The following ATP2B1 variants were observed in gnomAD, a reference collection of about 807,000 sequenced individuals.
ATP2B1 encodes plasma membrane calcium-transporting ATPase 1.
In ATP2B1, 14 loss-of-function variants were observed where a neutral mutation model predicts 124.2. The ratio of observed to expected loss-of-function variants is 0.11; its 90% CI spans 0.07 to 0.18. The LOEUF (loss-of-function observed/expected upper bound fraction) is 0.18, where lower values mean the gene tolerates loss of function less well. ATP2B1 is among the 10% of genes least tolerant of loss of function. The pLI is 1.00. For missense variants in ATP2B1, 763 were observed against 1,466.1 expected (o/e 0.52, Z 7.83); for synonymous variants, 449 against 492.4 (o/e 0.91, Z 1.17).
At chr12:89,687,059 G>A (rs183073214) in intron 1 of ATP2B1, among the ~76,000 whole-genome samples, 1 of 151,960 alleles carries the variant, frequency 6.6e-6, no homozygotes, top group African/African-American at 2.4e-5. Flanking sequence ...TTTTCTTGTC[G>A]TTATTCCCTG....
At chr12:89,660,552 G>T (rs963066455) in intron 1 of ATP2B1, among the ~76,000 whole-genome samples, 1 of 152,196 alleles carries the variant, frequency 6.6e-6, no homozygotes, top group Non-Finnish European at 1.5e-5. Flanking sequence ...AGGCAGTAGG[G>T]CCAGGAACGT....
intron 1 of ATP2B1, among the ~76,000 whole-genome samples, chr12:89,702,325 T>A (rs1290368694): frequency 6.6e-6 from 1 of 151,982 alleles, no homozygotes; most frequent in Non-Finnish European, 1.5e-5. Context: ...TGTATTTTGA[T>A]AAAGAGAAAA....
chr12:89,633,406 C>G (rs1178628996), intron 5 of ATP2B1, among the ~76,000 whole-genome samples: 1 of 151,588 alleles, frequency 6.6e-6, no homozygotes, highest in Non-Finnish European at 1.5e-5. Flanking sequence ...CACCCATTAA[C>G]TCGTCATTTA....
chr12:89,704,316 C>G (rs907747339), intron 1 of ATP2B1, among the ~76,000 whole-genome samples: 1 of 151,976 alleles, frequency 6.6e-6, no homozygotes, highest in African/African-American at 2.4e-5. Context: ...ATTTCAGATA[C>G]GTTCACATTC....
chr12:89,591,291 C>A lies in ATP2B1; in HGVS notation c.3356G>T (p.Arg1119Leu), dbSNP rs1387781828. The A allele has an allele frequency of 6.2e-7, 1 of 1,604,640 alleles. No individual in the cohort carries two copies. Among genetic ancestry groups the A allele is most frequent in the Non-Finnish European group, 8.5e-7 (1 of 1,174,694 alleles). Residue 1119 changes from arginine to leucine, a missense_variant, in exon 21 of 21, where the codon CGA (arginine) becomes CTA (leucine). Around this residue, in one of 7 missense-constraint regions of ATP2B1, gnomAD observed 12 missense variants for 32.0 expected, o/e 0.38. Transcript: ENST00000428670. ...RGLNRIQTQI[R>L]VVNAFRSSLY... Reference sequence around the variant, plus strand: ...AGAACTACGAAATGCATTCACCACTCGAATCTGTAAATATCAGAAAATACA... The same window carrying A: ...AGAACTACGAAATGCATTCACCACTAGAATCTGTAAATATCAGAAAATACA...
Position 89,655,921 on chromosome 12 carries a change from CA to C in ATP2B1, c.-36del. 6.6e-7 allele frequency: 1 copy of C among 1,514,532 alleles called. No homozygotes were observed. Among genetic ancestry groups the C allele is most frequent in the South Asian group, 1.3e-5 (1 of 76,230 alleles). 93.8% of individuals were successfully genotyped at this position (1,514,532 alleles called of 1,614,324 possible). ...AATATATCAGAAGGAAAATGTTTCC[CA>C]AAAGAATTTAATTTTCACTTGATGT... On this transcript the variant is annotated 5_prime_UTR_variant, in exon 2 of 21. Coordinates refer to ENST00000428670, the MANE Select transcript of ATP2B1 (RefSeq NM_001366521.1).
Position 89,588,339 on chromosome 12 carries a change from G to C in ATP2B1, c.*2645C>G, listed in dbSNP as rs939693274. The C allele has an allele frequency of 6.6e-6, 1 of 152,554 alleles. No homozygotes were observed. The highest frequency in any genetic ancestry group is 6.6e-5 in the Admixed American group (1 of 15,266). The allele number at this position is 152,554 out of a possible 1,614,324, so 9.5% of individuals were successfully genotyped here. On this transcript the variant is annotated 3_prime_UTR_variant, in exon 21 of 21. Transcript: ENST00000428670. ...TCACATATTTGTAAGATGACAAGGAGTAACTCATCTTCAAAGTGCAAGTAA... is the reference window on the plus strand; with the variant it reads ...TCACATATTTGTAAGATGACAAGGACTAACTCATCTTCAAAGTGCAAGTAA...
chr12:89,701,770 C>A (rs951501038), intron 1 of ATP2B1, among the ~76,000 whole-genome samples: 2 of 152,134 alleles, frequency 1.3e-5, no homozygotes, highest in Non-Finnish European at 2.9e-5. Flanking sequence ...CAGCCTCGAA[C>A]TCCTGGCCTC....
chr12:89,626,762 C>T (rs1479244839), intron 7 of ATP2B1, 147 bp from the exon 8 acceptor site: 8 of 881,888 alleles, frequency 9.1e-6, no homozygotes, highest in Non-Finnish European at 1.6e-6. Flanking sequence ...TGTGTCTACA[C>T]AGAGAAAATA....
intron 5 of ATP2B1, among the ~76,000 whole-genome samples, chr12:89,634,266 A>G (rs1882343781): frequency 6.6e-6 from 1 of 152,200 alleles, no homozygotes; most frequent in East Asian, 1.9e-4. Context: ...TATAATACTA[A>G]ATAGTTTATA....
At chr12:89,675,123 C>T (rs186975323) in intron 1 of ATP2B1, among the ~76,000 whole-genome samples, 49 of 152,190 alleles carry the variant, frequency 3.2e-4, no homozygotes, top group African/African-American at 2.4e-5. Flanking sequence ...TAGGGATCAA[C>T]AATTTTCATT....
In ATP2B1 at chr12:89,655,725, T is replaced by A. The variant is rs373078343; in HGVS notation, c.162A>T (p.Gly54=). 2.5e-6 allele frequency: 4 copies of A among 1,614,028 alleles called. No individual in the cohort carries two copies. In the African/African-American group the frequency reaches 5.3e-5, roughly 22 times the overall value. The part of the protein sequence containing the change: ...DALRKIQESY[G]DVYGICTKLK... ...ATTTGGTGCAAATTCCATAGACATC[T>A]CCATAGCTTTCCTGTATTTTTCGTA... Residue 54 remains glycine, a synonymous_variant, in exon 2 of 21, where the codon GGA becomes GGT. Transcript: ENST00000428670.
intron 15 of ATP2B1, among the ~76,000 whole-genome samples, chr12:89,607,077 G>A (rs879568550): frequency 6.6e-6 from 1 of 152,042 alleles, no homozygotes; most frequent in Admixed American, 6.6e-5. Flanking sequence ...ATCACAAAAC[G>A]TTAAACTGCT....
intron 3 of ATP2B1, chr12:89,641,908 C>T (rs1883581688): frequency 4.5e-6 from 2 of 444,164 alleles, no homozygotes; most frequent in African/African-American, 2.0e-5. Context: ...TAGGTCTGTG[C>T]CAGACACATA....
intron 6 of ATP2B1, among the ~76,000 whole-genome samples, chr12:89,630,070 G>A (rs2681487): frequency 0.15 from 22,203 of 152,248 alleles, 2,146 homozygotes; most frequent in Non-Finnish European, 0.22. Context: ...AGGTGTCAAA[G>A]TGAAGTCCTA....
chr12:89,603,857 A>G lies in ATP2B1; in HGVS notation c.2703T>C (p.Ala901=). ...ACTCAGTGGGTGGTTCCGTTGCCAGAGCCAGGGAAGCGAGTGTATCCATTA... is the reference window on the plus strand; with the variant it reads ...ACTCAGTGGGTGGTTCCGTTGCCAGGGCCAGGGAAGCGAGTGTATCCATTA... ...NLIMDTLASL[A]LATEPPTESL... The change falls in exon 17 of 21, where the codon GCT becomes GCC. Residue 901 remains alanine, a synonymous_variant. Transcript: ENST00000428670. The surrounding 1 kb of genome is among the most constrained non-coding windows in gnomAD (Gnocchi z 4.3). The G allele has an allele frequency of 6.2e-7, 1 of 1,614,108 alleles. No individual in the cohort carries two copies. The highest frequency in any genetic ancestry group is 1.3e-5 in the African/African-American group (1 of 75,058).
At chr12:89,593,556 C>G (rs1424134840) in intron 20 of ATP2B1, 1 of 151,960 alleles carries the variant, frequency 6.6e-6, no homozygotes, top group Non-Finnish European at 1.5e-5. Flanking sequence ...AATAAATGTA[C>G]TTTTTAAACA....
intron 1 of ATP2B1, among the ~76,000 whole-genome samples, chr12:89,659,882 C>A (rs1316088651): frequency 7.2e-6 from 1 of 139,712 alleles, no homozygotes; most frequent in Non-Finnish European, 1.5e-5. Flanking sequence ...GAGATCGCGC[C>A]ACTGCACTGC....
chr12:89,622,122 T>C (rs951565729), intron 9 of ATP2B1, among the ~76,000 whole-genome samples: 1 of 152,062 alleles, frequency 6.6e-6, no homozygotes, highest in Non-Finnish European at 1.5e-5. Context: ...GTCCTCACAT[T>C]GCAAGAGCAA....
Sources: gnomAD v4.1 joint callset for allele counts (sites outside exome capture counted in the v4.1 genomes callset) on GRCh38, gnomAD v4.1.1 for gene constraint, gnomAD v4.1.1 regional missense constraint, Gnocchi (gnomAD v3.1) non-coding constraint, MANE v1.5 for transcripts, NCBI Gene and HGNC (gene_info 2026-07-23, HGNC 2026-07-21) for gene names.